Variants in ERMARD observed in about 807,000 individuals in gnomAD.
ERMARD encodes ER membrane associated RNA degradation, also known as endoplasmic reticulum membrane-associated RNA degradation protein.
A neutral mutation model predicts 83.9 loss-of-function variants in ERMARD; 71 were observed. The observed-to-expected ratio is 0.85, with a 90% CI of 0.70 to 1.03. The LOEUF is 1.03. Ranked by LOEUF, ERMARD falls within the 50% of genes least tolerant of loss-of-function variation. The pLI is 0.00. For synonymous variants in ERMARD, 284 were observed against 298.6 expected (o/e 0.95, Z 0.50); for missense variants, 838 against 810.9 (o/e 1.03, Z -0.41).
rs761413694 is a variant in ERMARD at position 169,776,079 on chromosome 6, C to T, written c.1520+14C>T. 3 of 1,611,250 alleles carry T rather than the reference C, an allele frequency of 1.9e-6. No homozygotes were observed. The highest frequency in any genetic ancestry group is 2.2e-5 in the East Asian group (1 of 44,876). On this transcript the variant is annotated intron_variant, in intron 15 of 17. Transcript: ENST00000366773. ...TCCTACTGAGACGTAAGTTCCAGGA[C>T]ATCCTGACAACTGTTGAAACATTGA... is the stretch of plus-strand genomic sequence containing the variant.
rs564561237 is a variant in ERMARD at position 169,757,554 on chromosome 6, T to C, written c.507+746T>C. The stretch of plus-strand genomic sequence containing the variant: ...AACTTACAGTGGAAAAAAATTCAGA[T>C]GTTAAAAAAATCATGCAGTTACTAT... On this transcript the variant is annotated intron_variant, in intron 5 of 17. Coordinates refer to ENST00000366773, the MANE Select transcript of ERMARD (RefSeq NM_018341.3). Among the ~76,000 whole-genome samples, 286 of 152,270 alleles carry C rather than the reference T, an allele frequency of 1.9e-3. 1 individual carries two copies. The highest frequency in any genetic ancestry group is 6.6e-3 in the African/African-American group (276 of 41,560).
Position 169,775,275 on chromosome 6 carries a change from G to T in ERMARD, c.1323G>T (p.Leu441=), listed in dbSNP as rs150780545. The T allele has an allele frequency of 7.8e-5, 126 of 1,614,050 alleles. No homozygotes were observed. Among genetic ancestry groups the T allele is most frequent in the Non-Finnish European group, 9.9e-5 (117 of 1,180,028 alleles). The change falls in exon 14 of 18, where the codon CTG becomes CTT. Residue 441 remains leucine, a synonymous_variant. Coordinates refer to ENST00000366773, the MANE Select transcript of ERMARD (RefSeq NM_018341.3). The part of the protein sequence containing the change: ...HPVFQLKKQV[L]SCEESIRVWA... The stretch of plus-strand genomic sequence containing the variant: ...AATAAAACATTTCCTCCCAGGTGCT[G>T]AGCTGTGAGGAGAGCATCAGGGTTT...
intron 5 of ERMARD, 144 bp from the exon 6 acceptor site, chr6:169,758,824 A>G: frequency 1.6e-6 from 1 of 625,928 alleles, no homozygotes; most frequent in Non-Finnish European, 2.8e-6. Context: ...AACACTCAGT[A>G]AATGTTGGTT....
At chr6:169,774,645 C>T (rs1406336125) in intron 13 of ERMARD, among the ~76,000 whole-genome samples, 2 of 152,318 alleles carry the variant, frequency 1.3e-5, no homozygotes, top group African/African-American at 4.8e-5. Flanking sequence ...CTGTTGATAC[C>T]ACCCACGCTC....
At position 169,759,051 on chromosome 6, in the gene ERMARD, A is replaced by T; in HGVS notation, c.591A>T (p.Glu197Asp). The T allele has an allele frequency of 6.2e-7, 1 of 1,613,928 alleles. No individual in the cohort carries two copies. The highest frequency in any genetic ancestry group is 1.1e-5 in the South Asian group (1 of 90,956). ...NVLWHGFASP[E>D]EIPPKYCSMM... ...TATGGCATGGGTTTGCGTCACCTGA[A>T]GAAATTCCTCCAAAGTAAGTTGCAA... The change falls in exon 6 of 18, where the codon GAA becomes GAT. Residue 197 changes from glutamate (E) to aspartate (D), a missense_variant. Transcript: ENST00000366773.
At chr6:169,776,236 G>T in intron 15 of ERMARD, 171 bp downstream of exon 15, 1 of 1,525,140 alleles carries the variant, frequency 6.6e-7, no homozygotes, top group Non-Finnish European at 8.9e-7. Context: ...CTCTGTGCAA[G>T]CTTGGCACAT....
intron 2 of ERMARD, among the ~76,000 whole-genome samples, chr6:169,754,594 A>G (rs1434180327): frequency 1.3e-5 from 2 of 152,208 alleles, no homozygotes; most frequent in Non-Finnish European, 2.9e-5. Flanking sequence ...ATAAACAGCC[A>G]AACATCAAGC....
chr6:169,762,831 C>T (rs1019043441), intron 9 of ERMARD, among the ~76,000 whole-genome samples: 6 of 152,200 alleles, frequency 3.9e-5, no homozygotes, highest in African/African-American at 1.4e-4. Context: ...CGTGAGATGG[C>T]TGCGGTCTAG....
chr6:169,762,340 G>T, intron 8 of ERMARD, 89 bp from the exon 9 acceptor site: 2 of 1,228,994 alleles, frequency 1.6e-6, no homozygotes, highest in South Asian at 2.7e-5. Context: ...TTCCCAAAAT[G>T]CTGGGATTAC....
Position 169,756,702 on chromosome 6 carries a change from T to C in ERMARD, c.418-17T>C, listed in dbSNP as rs1166684246. ...GCTCATAATACAACTGTTACACAAT[T>C]TTTGTTTGAATTTTAGGTATTTTTA... On this transcript the variant is annotated splice_polypyrimidine_tract_variant and intron_variant, in intron 4 of 17. Transcript: ENST00000366773. 1 of 1,605,930 alleles carries C rather than the reference T, an allele frequency of 6.2e-7. No homozygotes were observed. Among genetic ancestry groups the C allele is most frequent in the East Asian group, 2.2e-5 (1 of 44,826 alleles).
Position 169,779,301 on chromosome 6 carries a change from T to C in ERMARD, c.1853+6T>C. On this transcript the variant is annotated splice_donor_region_variant and intron_variant, in intron 17 of 17. Coordinates refer to ENST00000366773, the MANE Select transcript of ERMARD (RefSeq NM_018341.3). ...GAGTATCAGCAGTACCTAAAGTAAG[T>C]GTGTCACAGTATGTCTGCAGTCACA... is the stretch of plus-strand genomic sequence containing the variant. 6.2e-7 allele frequency: 1 copy of C among 1,611,850 alleles called. No individual in the cohort carries two copies. Among genetic ancestry groups the C allele is most frequent in the Non-Finnish European group, 8.5e-7 (1 of 1,177,908 alleles).
intron 12 of ERMARD, 71 bp from the exon 13 acceptor site, chr6:169,773,248 C>G (rs1793182841): frequency 7.8e-7 from 1 of 1,282,318 alleles, no homozygotes; most frequent in Non-Finnish European, 1.1e-6. Context: ...CTCTAAGTGG[C>G]CTACAGTTCA....
chr6:169,764,982 G>T (rs920307398), intron 9 of ERMARD, among the ~76,000 whole-genome samples: 1 of 152,212 alleles, frequency 6.6e-6, no homozygotes, highest in Non-Finnish European at 1.5e-5. Flanking sequence ...GGTCTCTGCG[G>T]GTTCTCTGAG....
chr6:169,776,771 C>T lies in ERMARD; in HGVS notation c.1739+98C>T, dbSNP rs1248532704. ...CACTTCCAGACACACACAGTAGCCC[C>T]TCACTGAACCCCATCGACAGGTGTT... On this transcript the variant is annotated intron_variant, in intron 16 of 17. Transcript: ENST00000366773. 15 of 1,366,160 alleles carry T rather than the reference C, an allele frequency of 1.1e-5. No homozygotes were observed. The African/African-American group carries it at 2.1e-4, about 20-fold the overall frequency. 84.6% of individuals were successfully genotyped at this position (1,366,160 alleles called of 1,614,324 possible). A position where few individuals can be genotyped will look rare whatever the true frequency, so the allele number is the denominator to read the frequency against.
Position 169,781,422 on chromosome 6 carries a change from A to G in ERMARD, c.1946A>G (p.His649Arg), listed in dbSNP as rs769472207. ...NKWNETINLT[H>R]TALLKMWTFS... The stretch of plus-strand genomic sequence containing the variant: ...TGGAATGAAACTATCAATCTTACAC[A>G]TACAGCTTTGTTGAAAATGTGGACT... Residue 649 changes from histidine to arginine, a missense_variant, in exon 18 of 18, where the codon CAT (histidine) becomes CGT (arginine). Transcript: ENST00000366773. 3.7e-6 allele frequency: 6 copies of G among 1,613,190 alleles called. No individual in the cohort carries two copies. Among genetic ancestry groups the G allele is most frequent in the South Asian group, 1.1e-5 (1 of 90,478 alleles).
rs372594862 is a variant in ERMARD, at chr6:169,757,326, C to T, written c.507+518C>T. 2.3e-4 allele frequency among the ~76,000 whole-genome samples: 35 copies of T among 152,310 alleles called. No individual in the cohort carries two copies. In the South Asian group the frequency reaches 4.8e-3, roughly 21 times the overall value. On this transcript the variant is annotated intron_variant, in intron 5 of 17. Coordinates refer to ENST00000366773, the MANE Select transcript of ERMARD (RefSeq NM_018341.3). ...CACCTTCCCTTTCAAAATTGCCCCTCCTCCAGCACATAGAAAGCTTTCCTA... is the reference window on the plus strand; with the variant it reads ...CACCTTCCCTTTCAAAATTGCCCCTTCTCCAGCACATAGAAAGCTTTCCTA...
At chr6:169,779,616 C>T (rs935255826) in intron 17 of ERMARD, among the ~76,000 whole-genome samples, 2 of 152,248 alleles carry the variant, frequency 1.3e-5, no homozygotes, top group African/African-American at 4.8e-5. Flanking sequence ...ACCTCAGCCT[C>T]CTGAGTAGCT....
At chr6:169,762,404 A>C in intron 8 of ERMARD, 25 bp from the exon 9 acceptor site, 3 of 1,571,294 alleles carry the variant, frequency 1.9e-6, no homozygotes, top group South Asian at 1.1e-5. Context: ...GTGGAGTTTT[A>C]CCTCTTTTCC....
intron 1 of ERMARD, 90 bp downstream of exon 1, chr6:169,751,753 G>C: frequency 7.0e-7 from 1 of 1,435,750 alleles, no homozygotes; most frequent in East Asian, 2.7e-5. Context: ...GAGTGGGCGA[G>C]CGAGCACGCG....
Sources: gnomAD v4.1 joint callset for allele counts (sites outside exome capture counted in the v4.1 genomes callset) on GRCh38, gnomAD v4.1.1 for gene constraint, MANE v1.5 for transcripts, NCBI Gene and HGNC (gene_info 2026-07-23, HGNC 2026-07-21) for gene names.